Variants in METTL1 observed in about 807,000 individuals in gnomAD.
METTL1 encodes the protein tRNA (guanine-N(7)-)-methyltransferase.
METTL1 carries 14 observed loss-of-function variants against 27.7 expected under a neutral mutation model. The observed-to-expected ratio is 0.51, with a 90% CI of 0.33 to 0.79. METTL1 has a LOEUF of 0.79. Among genes scored for constraint, METTL1 ranks in the 30% least tolerant of loss-of-function variants. METTL1 has a pLI of 0.02. For missense variants in METTL1, 333 were observed against 359.6 expected, an observed-to-expected ratio of 0.93 and a Z score of 0.60; for synonymous variants, 138 against 137.0, an observed-to-expected ratio of 1.01 and a Z score of -0.05.
intron 2 of METTL1, 143 bp from the exon 3 acceptor site, chr12:57,770,099 T>G: frequency 1.2e-6 from 1 of 838,884 alleles, no homozygotes; most frequent in Non-Finnish European, 1.8e-6. Flanking sequence ...ATGGATAGTT[T>G]TATGCTCAAG....
At chr12:57,771,590 A>G (rs1955432469) in intron 1 of METTL1, 2 of 1,535,248 alleles carry the variant, frequency 1.3e-6, no homozygotes, top group African/African-American at 2.7e-5. Flanking sequence ...CTGGGATCCT[A>G]CTTTGTGTTT....
chr12:57,771,059 C>T (rs1054158749), intron 2 of METTL1, 35 bp downstream of exon 2: 6 of 1,602,664 alleles, frequency 3.7e-6, no homozygotes, highest in Non-Finnish European at 5.1e-6. Context: ...GCTACTAGGC[C>T]TCTTCTCACC....
At position 57,768,630 on chromosome 12, in the gene METTL1, TG is replaced by T; in HGVS notation, c.*365del. On this transcript the variant is annotated 3_prime_UTR_variant, in exon 6 of 6. Transcript: ENST00000324871. The stretch of plus-strand genomic sequence containing the variant: ...CCAGGATCCACAAAGCAAACAGAAG[TG>T]GTAATTGAGCCTAGCAAGCAGTTTA... 4.5e-6 allele frequency: 1 copy of T among 221,280 alleles called. No individual in the cohort carries two copies. Among genetic ancestry groups the T allele is most frequent in the South Asian group, 1.2e-4 (1 of 8,170 alleles). The allele number at this position is 221,280 out of a possible 1,614,324, so 13.7% of individuals were successfully genotyped here.
chr12:57,771,435 C>G, intron 1 of METTL1, 178 bp from the exon 2 acceptor site: 1 of 1,463,636 alleles, frequency 6.8e-7, no homozygotes, highest in Non-Finnish European at 9.0e-7. Flanking sequence ...ACCCTTAACT[C>G]CCAGTGTGAA....
chr12:57,771,805 C>A (rs1054551022), intron 1 of METTL1, among the ~76,000 whole-genome samples, 169 bp downstream of exon 1: 3 of 152,200 alleles, frequency 2.0e-5, no homozygotes, highest in Non-Finnish European at 4.4e-5. Context: ...ACTCTCAACC[C>A]GCCAACTCCT....
chr12:57,769,998 G>A, intron 2 of METTL1, 42 bp from the exon 3 acceptor site: 1 of 1,550,034 alleles, frequency 6.5e-7, no homozygotes, highest in Non-Finnish European at 8.8e-7. Context: ...CCATATACTT[G>A]TAGGAAGTGC....
At chr12:57,770,113 C>T (rs1300640289) in intron 2 of METTL1, among the ~76,000 whole-genome samples, 157 bp from the exon 3 acceptor site, 3 of 151,994 alleles carry the variant, frequency 2.0e-5, no homozygotes, top group East Asian at 1.9e-4. Flanking sequence ...GCTCAAGAGG[C>T]GGGGGGAGAA....
rs1282144861 is a variant in METTL1, at chr12:57,772,073, T to TCGGCTGCCATGATCCCAGTCC, written c.-11_10dup (p.Ala3_Glu4insGlyThrGlyIleMetAlaAla). Reference sequence around the variant, plus strand: ...CTCTGCTCCGGCCACGTTCCGAGTCTCGGCTGCCATGATCCCAGTCCGGGG... The same window carrying TCGGCTGCCATGATCCCAGTCC: ...CTCTGCTCCGGCCACGTTCCGAGTCTCGGCTGCCATGATCCCAGTCCCGGCTGCCATGATCCCAGTCCGGGG... On this transcript the variant is annotated inframe_insertion, in exon 1 of 6. Coordinates refer to ENST00000324871, the MANE Select transcript of METTL1 (RefSeq NM_005371.6). This position sits in a 1 kb window ranked among gnomAD's most constrained non-coding sequence, Gnocchi z 4.1. 1 of 1,562,502 alleles carries TCGGCTGCCATGATCCCAGTCC rather than the reference T, an allele frequency of 6.4e-7. No homozygotes were observed. Among genetic ancestry groups the TCGGCTGCCATGATCCCAGTCC allele is most frequent in the Admixed American group, 2.1e-5 (1 of 46,556 alleles).
At position 57,769,846 on chromosome 12, in the gene METTL1, C is replaced by A. The variant is rs762092580; in HGVS notation, c.385G>T (p.Gly129Cys). Residue 129 changes from glycine (G) to cysteine (C), a missense_variant, in exon 3 of 6, where the codon GGT becomes TGT. Coordinates refer to ENST00000324871, the MANE Select transcript of METTL1 (RefSeq NM_005371.6). ...RIRALRAAPA[G>C]GFQNIACLRS... ...AGACAGGCGATGTTCTGGAAGCCACCTGCAGGAGCTGCGCGTAGGGCCCGA... is the reference window on the plus strand; with the variant it reads ...AGACAGGCGATGTTCTGGAAGCCACATGCAGGAGCTGCGCGTAGGGCCCGA... The A allele has an allele frequency of 3.1e-6, 5 of 1,614,212 alleles. No individual in the cohort carries two copies. The highest frequency in any genetic ancestry group is 4.2e-6 in the Non-Finnish European group (5 of 1,180,044).
chr12:57,770,759 A>T (rs1955419540), intron 2 of METTL1: 1 of 216,000 alleles, frequency 4.6e-6, no homozygotes, highest in African/African-American at 2.2e-5. Context: ...AATCTCTGAG[A>T]AAAGACAGTT....
chr12:57,770,996 G>A (rs933457149), intron 2 of METTL1, 98 bp downstream of exon 2: 18 of 1,345,560 alleles, frequency 1.3e-5, no homozygotes, highest in African/African-American at 2.9e-5. Context: ...GTGTCTGGAC[G>A]AAAGGGGAAA....
Position 57,769,966 on chromosome 12 carries a change from G to C in METTL1, c.275-10C>G, listed in dbSNP as rs540474063. 1.4e-5 allele frequency: 23 copies of C among 1,592,786 alleles called. No homozygotes were observed. The highest frequency in any genetic ancestry group is 2.0e-5 in the Non-Finnish European group (23 of 1,166,698). On this transcript the variant is annotated splice_polypyrimidine_tract_variant and intron_variant, in intron 2 of 5. Transcript: ENST00000324871. ...AGCGGTGACAGTTCCACTGCACACAGAAATAGCAATGGAATCATCAACCAT... is the reference window on the plus strand; with the variant it reads ...AGCGGTGACAGTTCCACTGCACACACAAATAGCAATGGAATCATCAACCAT...
At chr12:57,770,788 C>T in intron 2 of METTL1, 3 of 271,214 alleles carry the variant, frequency 1.1e-5, no homozygotes, top group South Asian at 1.4e-4. Flanking sequence ...CTGGCCACAA[C>T]GGCTAATCTC....
At position 57,769,329 on chromosome 12, in the gene METTL1, A is replaced by C; in HGVS notation, c.649T>G (p.Phe217Val). The C allele has an allele frequency of 6.2e-7, 1 of 1,614,154 alleles. No individual in the cohort carries two copies. The highest frequency in any genetic ancestry group is 8.5e-7 in the Non-Finnish European group (1 of 1,180,014). ...MCTHFEEHPL[F>V]ERVPLEDLSE... Reference sequence around the variant, plus strand: ...AGGTCCTCCAGAGGCACACGCTCAAACAGTGGGTGCTCTTCGAAATGAGTG... The same window carrying C: ...AGGTCCTCCAGAGGCACACGCTCAACCAGTGGGTGCTCTTCGAAATGAGTG... Residue 217 changes from phenylalanine (F) to valine (V), a missense_variant, in exon 5 of 6, where the codon TTT (phenylalanine) becomes GTT (valine). Transcript: ENST00000324871.
Position 57,772,034 on chromosome 12 carries a change from T to C in METTL1, c.50A>G (p.Gln17Arg), listed in dbSNP as rs771560261. 1.3e-6 allele frequency: 2 copies of C among 1,554,346 alleles called. No homozygotes were observed. Among genetic ancestry groups the C allele is most frequent in the East Asian group, 2.5e-5 (1 of 40,370 alleles). Residue 17 changes from glutamine to arginine, a missense_variant, in exon 1 of 6, where the codon CAG (glutamine) becomes CGG (arginine). Transcript: ENST00000324871. This position sits in a 1 kb window ranked among gnomAD's most constrained non-coding sequence, Gnocchi z 4.1. ...AGCACGTTGCCGGTAGTAGCGCTTCTGGGGCGGTGGGGCCTCTGCTCCGGC... is the reference window on the plus strand; with the variant it reads ...AGCACGTTGCCGGTAGTAGCGCTTCCGGGGCGGTGGGGCCTCTGCTCCGGC... ...NVAGAEAPPP[Q>R]KRYYRQRAHS...
chr12:57,771,560 G>A, intron 1 of METTL1: 1 of 1,535,080 alleles, frequency 6.5e-7, no homozygotes, highest in South Asian at 1.2e-5. Context: ...CCCTTCTCCC[G>A]AGACTGGCTG....
Position 57,769,923 on chromosome 12 carries a change from A to G in METTL1, c.308T>C (p.Ile103Thr), listed in dbSNP as rs150140634. The change falls in exon 3 of 6, where the codon ATT becomes ACT. Residue 103 changes from isoleucine (I) to threonine (T), a missense_variant. Physicochemically the swap from Ile to Thr is moderately conservative, Grantham distance 89. Transcript: ENST00000324871. ...ELSPLFPDTL[I>T]LGLEIRVKVS... ...CTTCACCCGGATCTCCAGACCCAGA[A>G]TAAGTGTGTCTGGGAACAGCGGTGA... is the stretch of plus-strand genomic sequence containing the variant. 4 of 1,612,634 alleles carry G rather than the reference A, an allele frequency of 2.5e-6. No homozygotes were observed. The highest frequency in any genetic ancestry group is 3.4e-6 in the Non-Finnish European group (4 of 1,179,348).
At chr12:57,771,404 C>G (rs1366414155) in intron 1 of METTL1, 147 bp from the exon 2 acceptor site, 1 of 1,461,658 alleles carries the variant, frequency 6.8e-7, no homozygotes, top group East Asian at 2.5e-5. Context: ...CCTGTGGCCT[C>G]TAAGAGGGAC....
In METTL1 at chr12:57,768,711, T is replaced by G; in HGVS notation, c.*285A>C. ...GAGAGATCTCACAAGGAGAAAGGAG[T>G]GCTAAGGAAGAGCAAGACCCCACAG... On this transcript the variant is annotated 3_prime_UTR_variant, in exon 6 of 6. Transcript: ENST00000324871. 5.3e-6 allele frequency: 2 copies of G among 377,208 alleles called. No individual in the cohort carries two copies. The highest frequency in any genetic ancestry group is 3.9e-5 in the Admixed American group (1 of 25,498). The allele number at this position is 377,208 out of a possible 1,614,324, so 23.4% of individuals were successfully genotyped here. A position where few individuals can be genotyped will look rare whatever the true frequency, so the allele number is the denominator to read the frequency against.
Sources: allele counts gnomAD v4.1 joint callset (sites outside exome capture counted in the v4.1 genomes callset), GRCh38; gene constraint gnomAD v4.1.1; non-coding constraint Gnocchi (gnomAD v3.1); transcripts MANE v1.5; gene names NCBI Gene and HGNC (gene_info 2026-07-23, HGNC 2026-07-21).